The following DSCAM variants were observed in gnomAD, a reference collection of about 807,000 sequenced individuals.
The protein encoded by DSCAM is DS cell adhesion molecule.
In DSCAM, 47 loss-of-function variants were observed where a neutral mutation model predicts 217.7. That is an observed-to-expected ratio of 0.22 (90% CI 0.17 to 0.28). The LOEUF is 0.28. Ranked by LOEUF, DSCAM falls within the 10% of genes least tolerant of loss-of-function variation. The probability of loss-of-function intolerance (pLI) is 1.00; values close to 1 mark genes in which losing one functional copy is unlikely to be tolerated. For missense variants in DSCAM, 2,080 were observed against 2,618.3 expected, an observed-to-expected ratio of 0.79 and a Z score of 4.49; for synonymous variants, 1,056 against 1,015.3, an observed-to-expected ratio of 1.04 and a Z score of -0.76.
intron 3 of DSCAM, among the ~76,000 whole-genome samples, chr21:40,421,681 C>T (rs2075425772): frequency 6.6e-6 from 1 of 152,214 alleles, no homozygotes; most frequent in Admixed American, 6.5e-5. Context: ...GAGAGATAAA[C>T]AACAGTATTA....
At chr21:40,090,667 A>G (rs935146509) in intron 21 of DSCAM, among the ~76,000 whole-genome samples, 1 of 151,962 alleles carries the variant, frequency 6.6e-6, no homozygotes, top group African/African-American at 2.4e-5. Context: ...ACTCCCTTTG[A>G]GAGTCCGTCC....
chr21:40,665,966 C>G (rs1013994520), intron 3 of DSCAM, among the ~76,000 whole-genome samples: 1 of 73,994 alleles, frequency 1.4e-5, no homozygotes, highest in Non-Finnish European at 3.3e-5. Flanking sequence ...AGTGTGGAAT[C>G]AGCTCAGGCT....
At chr21:40,664,202 A>G (rs148918104) in intron 3 of DSCAM, among the ~76,000 whole-genome samples, 6 of 152,326 alleles carry the variant, frequency 3.9e-5, no homozygotes, top group Admixed American at 3.9e-4. Flanking sequence ...TCCCACTGGC[A>G]TCGCATATAT....
chr21:40,175,805 A>G (rs868833928), intron 15 of DSCAM, among the ~76,000 whole-genome samples: 3,605 of 112,600 alleles, frequency 0.032, 145 homozygotes, highest in African/African-American at 0.1. Flanking sequence ...ACACACACAC[A>G]CACGCACACA....
At chr21:40,651,709 T>C (rs944568621) in intron 3 of DSCAM, among the ~76,000 whole-genome samples, 11 of 152,226 alleles carry the variant, frequency 7.2e-5, no homozygotes, top group Admixed American at 3.9e-4. Flanking sequence ...ATGCATATTA[T>C]AGCCAACACT....
intron 23 of DSCAM, among the ~76,000 whole-genome samples, chr21:40,084,789 C>T (rs1333317473): frequency 6.6e-6 from 1 of 151,836 alleles, no homozygotes; most frequent in Non-Finnish European, 1.5e-5. Flanking sequence ...TAATATAGTG[C>T]CTGTCTTCCA....
chr21:40,731,546 C>A (rs559579160), intron 1 of DSCAM, among the ~76,000 whole-genome samples: 2 of 152,100 alleles, frequency 1.3e-5, no homozygotes, highest in East Asian at 3.9e-4. Flanking sequence ...TTGCAGTATC[C>A]ACAGGGTTGG....
intron 1 of DSCAM, among the ~76,000 whole-genome samples, chr21:40,718,454 T>C (rs1317011428): frequency 6.6e-6 from 1 of 152,198 alleles, no homozygotes; most frequent in East Asian, 1.9e-4. Flanking sequence ...AAAATCCTGG[T>C]GGAAGGCAAG....
At chr21:40,121,200 C>T (rs1048166136) in intron 20 of DSCAM, among the ~76,000 whole-genome samples, 19 of 151,888 alleles carry the variant, frequency 1.3e-4, no homozygotes, top group African/African-American at 2.9e-4. Flanking sequence ...TCTAGTTTAC[C>T]GACTGAAAGT....
chr21:40,115,930 A>G (rs890919195), intron 20 of DSCAM, among the ~76,000 whole-genome samples: 15 of 152,268 alleles, frequency 9.9e-5, no homozygotes, highest in African/African-American at 3.6e-4. Flanking sequence ...TAGACTAGAT[A>G]AAGAAAATGT....
intron 1 of DSCAM, among the ~76,000 whole-genome samples, chr21:40,822,021 T>TAA (rs376630916): frequency 7.7e-6 from 1 of 129,504 alleles, no homozygotes. Flanking sequence ...AAATAAAAGT[T>TAA]AAAAAAAAAA....
intron 9 of DSCAM, among the ~76,000 whole-genome samples, chr21:40,304,687 C>A (rs1403966206): frequency 1.3e-5 from 2 of 152,040 alleles, no homozygotes; most frequent in Non-Finnish European, 2.9e-5. Flanking sequence ...CATTCATTGG[C>A]CTAATTTCAA....
intron 3 of DSCAM, among the ~76,000 whole-genome samples, chr21:40,457,954 A>G (rs79225133): frequency 0.023 from 3,512 of 152,280 alleles, 159 homozygotes; most frequent in African/African-American, 0.079. Flanking sequence ...GAGTAAGCAT[A>G]TACTCAGCAA....
At chr21:40,028,935 A>G (rs998078793) in intron 32 of DSCAM, among the ~76,000 whole-genome samples, 15 of 152,346 alleles carry the variant, frequency 9.8e-5, no homozygotes, top group African/African-American at 3.4e-4. Flanking sequence ...ATAGCTATCC[A>G]CAAAGCAGGC....
In DSCAM at chr21:40,659,154, G is replaced by C. The variant is rs1000714170; in HGVS notation, c.508+33656C>G. On this transcript the variant is annotated intron_variant, in intron 3 of 32. Transcript: ENST00000400454. ...CCTCCAAGGGTCAAAAAAAATAGTC[G>C]TGTTTCTAACTATTTGATAAAAATG... Among the ~76,000 whole-genome samples the C allele has an allele frequency of 5.3e-5, 8 of 152,108 alleles. No homozygotes were observed. In the South Asian group the frequency reaches 8.3e-4, roughly 16 times the overall value.
At chr21:40,805,607 A>T (rs2091779145) in intron 1 of DSCAM, among the ~76,000 whole-genome samples, 1 of 152,150 alleles carries the variant, frequency 6.6e-6, no homozygotes. Context: ...GGATGGTGGC[A>T]AGTCCATCAT....
At chr21:40,382,835 T>C (rs938212590) in intron 3 of DSCAM, among the ~76,000 whole-genome samples, 1 of 152,214 alleles carries the variant, frequency 6.6e-6, no homozygotes, top group Non-Finnish European at 1.5e-5. Context: ...ATAACCTTTG[T>C]AACAAAATGG....
chr21:40,134,274 T>A (rs957054194), intron 18 of DSCAM, among the ~76,000 whole-genome samples: 1 of 152,060 alleles, frequency 6.6e-6, no homozygotes, highest in Admixed American at 6.5e-5. Context: ...TCGCTCCAAG[T>A]TAAGTGTTAT....
intron 28 of DSCAM, among the ~76,000 whole-genome samples, chr21:40,058,074 C>T (rs13051351): frequency 0.18 from 27,563 of 151,694 alleles, 2,971 homozygotes; most frequent in Non-Finnish European, 0.25. Flanking sequence ...GGGTTTCGCC[C>T]TGTTAGCCAG....
Sources: allele counts gnomAD v4.1 joint callset (sites outside exome capture counted in the v4.1 genomes callset), GRCh38; gene constraint gnomAD v4.1.1; transcripts MANE v1.5; gene names NCBI Gene and HGNC (gene_info 2026-07-23, HGNC 2026-07-21).